SWT1: variants seen among roughly 807,000 people sequenced by gnomAD.
SWT1 encodes the protein transcriptional protein SWT1.
Under a neutral mutation model 107.3 loss-of-function variants are expected in SWT1, and 33 were observed. The ratio of observed to expected loss-of-function variants is 0.31; its 90% confidence interval spans 0.23 to 0.41. SWT1 has a LOEUF of 0.41. Ranked by LOEUF, SWT1 falls within the 10% of genes least tolerant of loss-of-function variation. The pLI is 1.00. For missense variants in SWT1, 898 were observed against 1,028.9 expected (o/e 0.87, Z 1.74); for synonymous variants, 345 against 348.3 (o/e 0.99, Z 0.11).
intron 13 of SWT1, among the ~76,000 whole-genome samples, chr1:185,210,518 G>A (rs1658703250): frequency 6.6e-6 from 1 of 152,120 alleles, no homozygotes; most frequent in Admixed American, 6.5e-5. Flanking sequence ...AAGAAACTAG[G>A]TATTGATGGA....
intron 14 of SWT1, 27 bp from the exon 15 acceptor site, chr1:185,221,822 C>T (rs567716619): frequency 6.8e-7 from 1 of 1,473,556 alleles, no homozygotes; most frequent in South Asian, 1.4e-5. Context: ...GAACTAGCTG[C>T]ATTTTATGTA....
intron 1 of SWT1, among the ~76,000 whole-genome samples, chr1:185,158,986 T>C (rs926136531): frequency 6.6e-6 from 1 of 152,130 alleles, no homozygotes; most frequent in Non-Finnish European, 1.5e-5. Flanking sequence ...GCCTGGCTGT[T>C]AGTTGGTTCT....
chr1:185,289,022 T>C (rs1665104115), intron 18 of SWT1, among the ~76,000 whole-genome samples: 1 of 152,198 alleles, frequency 6.6e-6, no homozygotes, highest in Non-Finnish European at 1.5e-5. Context: ...TTCTAAGAAT[T>C]GAAACTCTGT....
rs756253045 is a variant in SWT1 at position 185,184,229 on chromosome 1, CTCTTTT to C, written c.1139-8_1139-3del. Reference sequence around the variant, plus strand: ...GTTATCAAGTGTCATGAAATATTTGCTCTTTTTCTTTAGCAAATAATACTTCAGACA... The same window carrying C: ...GTTATCAAGTGTCATGAAATATTTGCTCTTTAGCAAATAATACTTCAGACA... On this transcript the variant is annotated splice_region_variant and splice_polypyrimidine_tract_variant and intron_variant, in intron 7 of 18. Coordinates refer to ENST00000367500, the MANE Select transcript of SWT1 (RefSeq NM_017673.7). The C allele has an allele frequency of 7.5e-7, 1 of 1,326,894 alleles. No homozygotes were observed. The allele number at this position is 1,326,894 out of a possible 1,614,324, so 82.2% of individuals were successfully genotyped here. A position where few individuals can be genotyped will look rare whatever the true frequency, so the allele number is the denominator to read the frequency against.
At chr1:185,244,940 A>G (rs1661502616) in intron 16 of SWT1, among the ~76,000 whole-genome samples, 1 of 152,090 alleles carries the variant, frequency 6.6e-6, no homozygotes, top group Non-Finnish European at 1.5e-5. Context: ...TTAGCTGGGC[A>G]TGGTGTTGTG....
chr1:185,253,607 T>C (rs1390423473), intron 16 of SWT1, among the ~76,000 whole-genome samples: 1 of 151,602 alleles, frequency 6.6e-6, no homozygotes, highest in Non-Finnish European at 1.5e-5. Flanking sequence ...TAAGAATGCT[T>C]GTGATTTTTG....
At chr1:185,237,414 C>T (rs537357682) in intron 16 of SWT1, among the ~76,000 whole-genome samples, 32 of 152,028 alleles carry the variant, frequency 2.1e-4, no homozygotes, top group African/African-American at 7.5e-4. Flanking sequence ...AGATGGATGA[C>T]TCTGGAAACC....
chr1:185,202,873 G>A (rs541153793), intron 11 of SWT1, 74 bp downstream of exon 11: 85 of 822,998 alleles, frequency 1.0e-4, no homozygotes, highest in Non-Finnish European at 1.4e-4. Context: ...CATTAGAATC[G>A]ATAGTAAATT....
chr1:185,162,870 G>A (rs1654267225), intron 2 of SWT1, among the ~76,000 whole-genome samples: 1 of 151,512 alleles, frequency 6.6e-6, no homozygotes, highest in African/African-American at 2.4e-5. Flanking sequence ...AGGATCCCTT[G>A]AGCCCAGGAG....
At chr1:185,182,207 G>T in intron 7 of SWT1, 150 bp downstream of exon 7, 1 of 723,632 alleles carries the variant, frequency 1.4e-6, no homozygotes, top group Non-Finnish European at 2.1e-6. Context: ...TTTAGGTACA[G>T]GAATTAGATC....
rs1663304568 is a variant in SWT1, at chr1:185,265,414, T to G, written c.2442-5909T>G. Among the ~76,000 whole-genome samples the G allele has an allele frequency of 2.0e-5, 3 of 152,342 alleles. No homozygotes were observed. In the South Asian group the frequency reaches 6.2e-4, roughly 32 times the overall value. On this transcript the variant is annotated intron_variant, in intron 16 of 18. Transcript: ENST00000367500. ...AATAAATAATCCCCCCCAAACGTGC[T>G]CTAAGATCCAAGACTTTTTTTCCTT...
At chr1:185,162,494 C>T (rs1654234187) in intron 2 of SWT1, among the ~76,000 whole-genome samples, 1 of 152,278 alleles carries the variant, frequency 6.6e-6, no homozygotes, top group South Asian at 2.1e-4. Context: ...TTGCTAGTTC[C>T]TCCTCATCTT....
intron 5 of SWT1, chr1:185,176,555 G>A (rs192184743): frequency 6.1e-6 from 6 of 978,530 alleles, no homozygotes; most frequent in East Asian, 2.3e-4. Context: ...TTGTTTCTAT[G>A]TCAAATAAAG....
At chr1:185,203,251 G>C (rs1658029095) in intron 11 of SWT1, among the ~76,000 whole-genome samples, 1 of 152,054 alleles carries the variant, frequency 6.6e-6, no homozygotes. Context: ...CTATTAATAT[G>C]ATAAAAACTC....
At chr1:185,253,165 A>G (rs1662182945) in intron 16 of SWT1, among the ~76,000 whole-genome samples, 1 of 148,264 alleles carries the variant, frequency 6.7e-6, no homozygotes, top group Non-Finnish European at 1.5e-5. Context: ...TACCAGTACC[A>G]TGCTGTTTTG....
chr1:185,261,115 T>C (rs1479403776), intron 16 of SWT1, among the ~76,000 whole-genome samples: 1 of 152,182 alleles, frequency 6.6e-6, no homozygotes, highest in African/African-American at 2.4e-5. Context: ...CACCACTATC[T>C]ATCCACAGAA....
intron 18 of SWT1, among the ~76,000 whole-genome samples, chr1:185,287,974 A>G (rs1184477286): frequency 1.3e-5 from 2 of 152,230 alleles, no homozygotes; most frequent in Non-Finnish European, 2.9e-5. Flanking sequence ...TAAGACACAG[A>G]AATAGATTCA....
At chr1:185,171,045 A>G (rs1383098588) in intron 4 of SWT1, among the ~76,000 whole-genome samples, 2 of 152,046 alleles carry the variant, frequency 1.3e-5, no homozygotes, top group South Asian at 2.1e-4. Context: ...AACAGTGACT[A>G]CCTCTAGCCT....
intron 15 of SWT1, among the ~76,000 whole-genome samples, chr1:185,229,234 G>T (rs1187196336): frequency 6.6e-6 from 1 of 152,150 alleles, no homozygotes; most frequent in African/African-American, 2.4e-5. Context: ...CAGGGCAGTT[G>T]TGGGAGAGAT....
Sources: gnomAD v4.1 joint callset for allele counts (sites outside exome capture counted in the v4.1 genomes callset) on GRCh38, gnomAD v4.1.1 for gene constraint, MANE v1.5 for transcripts, NCBI Gene and HGNC (gene_info 2026-07-23, HGNC 2026-07-21) for gene names.